HACD3: variants seen among roughly 807,000 people sequenced by gnomAD.
HACD3 encodes 3-hydroxyacyl-CoA dehydratase 3.
In HACD3, 30 loss-of-function variants were observed where a neutral mutation model predicts 55.2. The ratio of observed to expected loss-of-function variants is 0.54; its 90% CI spans 0.41 to 0.74. The LOEUF is 0.74. Among genes scored for constraint, HACD3 ranks in the 30% least tolerant of loss-of-function variants. The pLI, the probability that HACD3 is intolerant of heterozygous loss-of-function variation, is 0.00. For missense variants in HACD3, 363 were observed against 440.1 expected (o/e 0.82, Z 1.57); for synonymous variants, 141 against 151.7 (o/e 0.93, Z 0.52).
chr15:65,563,427 A>T (rs534044353), intron 6 of HACD3, among the ~76,000 whole-genome samples: 1 of 152,354 alleles, frequency 6.6e-6, no homozygotes, highest in South Asian at 2.1e-4. Context: ...GATCTAAAGT[A>T]TTCTGAAACT....
intron 1 of HACD3, among the ~76,000 whole-genome samples, chr15:65,542,139 G>T (rs1449057756): frequency 2.9e-5 from 4 of 139,738 alleles, no homozygotes; most frequent in Non-Finnish European, 6.0e-5. Flanking sequence ...TGAGGCAGGA[G>T]AATCGCTTGA....
At chr15:65,539,247 T>G (rs1375158927) in intron 1 of HACD3, among the ~76,000 whole-genome samples, 2 of 113,496 alleles carry the variant, frequency 1.8e-5, no homozygotes, top group Admixed American at 1.3e-4. Flanking sequence ...TGAGATGGAG[T>G]CTCACCGTGT....
intron 10 of HACD3, among the ~76,000 whole-genome samples, chr15:65,573,607 CA>C (rs11375279): frequency 3.5e-5 from 5 of 144,348 alleles, no homozygotes; most frequent in Non-Finnish European, 4.6e-5. Context: ...GACTCTGTCT[CA>C]AAAAAAAAAA....
chr15:65,576,384 A>G lies in HACD3; in HGVS notation c.*5A>G. Reference sequence around the variant, plus strand: ...AAAAAGAAAAAGATCCACTAAAAAGAAAGATTTAGATGGCTTCTTGCCAGT... The same window carrying G: ...AAAAAGAAAAAGATCCACTAAAAAGGAAGATTTAGATGGCTTCTTGCCAGT... On this transcript the variant is annotated 3_prime_UTR_variant, in exon 11 of 11. Coordinates refer to ENST00000261875, the MANE Select transcript of HACD3 (RefSeq NM_016395.4). 6.3e-7 allele frequency: 1 copy of G among 1,595,166 alleles called. No homozygotes were observed. The highest frequency in any genetic ancestry group is 8.5e-7 in the Non-Finnish European group (1 of 1,170,420).
intron 2 of HACD3, 68 bp downstream of exon 2, chr15:65,551,786 T>C: frequency 1.3e-6 from 2 of 1,561,018 alleles, no homozygotes; most frequent in Admixed American, 3.4e-5. Context: ...GTTTCCCTTT[T>C]TTAAAAAAAT....
In HACD3 at chr15:65,578,080, CATCTG is replaced by C. The variant is rs996869409; in HGVS notation, c.*1704_*1708del. The C allele has an allele frequency of 6.6e-6, 1 of 152,220 alleles. No homozygotes were observed. The highest frequency in any genetic ancestry group is 2.4e-5 in the African/African-American group (1 of 41,442). The allele number at this position is 152,220 out of a possible 1,614,324, so 9.4% of individuals were successfully genotyped here. On this transcript the variant is annotated 3_prime_UTR_variant, in exon 11 of 11. Transcript: ENST00000261875. The stretch of plus-strand genomic sequence containing the variant: ...GATGGAAACTTGGTTTGACCTAAAA[CATCTG>C]ATTAATATAGGCTAGCTGATTTCTT...
chr15:65,531,252 T>G (rs2071895925), intron 1 of HACD3: 1 of 152,620 alleles, frequency 6.6e-6, no homozygotes, highest in South Asian at 2.0e-4. Context: ...TCGCAACCGT[T>G]CAGTGATGGA....
Position 65,578,344 on chromosome 15 carries a change from T to C in HACD3, c.*1965T>C, listed in dbSNP as rs1408647523. ...TGTATTTCTATTAAAACATTTACAATCAAAATTCTAATGACTGTGCTTAAA... is the reference window on the plus strand; with the variant it reads ...TGTATTTCTATTAAAACATTTACAACCAAAATTCTAATGACTGTGCTTAAA... On this transcript the variant is annotated 3_prime_UTR_variant, in exon 11 of 11. Coordinates refer to ENST00000261875, the MANE Select transcript of HACD3 (RefSeq NM_016395.4). The C allele has an allele frequency of 6.6e-6, 1 of 152,206 alleles. No homozygotes were observed. Among genetic ancestry groups the C allele is most frequent in the African/African-American group, 2.4e-5 (1 of 41,448 alleles). 9.4% of individuals were successfully genotyped at this position (152,206 alleles called of 1,614,324 possible).
intron 1 of HACD3, among the ~76,000 whole-genome samples, chr15:65,550,473 A>T (rs1021981180): frequency 6.6e-6 from 1 of 152,258 alleles, no homozygotes. Context: ...GAAAACCTGG[A>T]TAGCCCAATA....
intron 1 of HACD3, among the ~76,000 whole-genome samples, chr15:65,549,426 G>GAAAAA (rs34149100): frequency 9.0e-6 from 1 of 111,068 alleles, no homozygotes; most frequent in African/African-American, 3.3e-5. Flanking sequence ...TCTCTGCTGG[G>GAAAAA]AAAAAAAAAA....
intron 7 of HACD3, among the ~76,000 whole-genome samples, chr15:65,567,372 C>T (rs564871602): frequency 6.6e-6 from 1 of 152,060 alleles, no homozygotes; most frequent in Non-Finnish European, 1.5e-5. Flanking sequence ...GTAGATTAGA[C>T]ATAGCTGAAG....
At position 65,564,494 on chromosome 15, in the gene HACD3, C is replaced by T. The variant is rs539430916; in HGVS notation, c.660+152C>T. 4 of 989,384 alleles carry T rather than the reference C, an allele frequency of 4.0e-6. No individual in the cohort carries two copies. The South Asian group carries it at 5.7e-5, about 14-fold the overall frequency. The allele number at this position is 989,384 out of a possible 1,614,324, so 61.3% of individuals were successfully genotyped here. On this transcript the variant is annotated intron_variant, in intron 7 of 10. Transcript: ENST00000261875. Reference sequence around the variant, plus strand: ...AAGAGGTTTAATTGGACTTACAGTTCCATGTGGCTGGGAAGGTCTCACGAT... The same window carrying T: ...AAGAGGTTTAATTGGACTTACAGTTTCATGTGGCTGGGAAGGTCTCACGAT...
chr15:65,535,216 A>T (rs1043387375), intron 1 of HACD3, among the ~76,000 whole-genome samples: 1 of 152,254 alleles, frequency 6.6e-6, no homozygotes, highest in Non-Finnish European at 1.5e-5. Context: ...GTTAAGCAAG[A>T]TGCACAAAAC....
At chr15:65,541,273 A>C (rs1484740282) in intron 1 of HACD3, among the ~76,000 whole-genome samples, 1 of 152,142 alleles carries the variant, frequency 6.6e-6, no homozygotes, top group Non-Finnish European at 1.5e-5. Flanking sequence ...TTTTTCCCTC[A>C]TGATGAGGGG....
chr15:65,568,874 T>C (rs1006629433), intron 7 of HACD3, among the ~76,000 whole-genome samples: 2 of 152,116 alleles, frequency 1.3e-5, no homozygotes, highest in African/African-American at 4.8e-5. Context: ...CCCAGATATC[T>C]ATGAAGAATA....
chr15:65,565,806 G>T (rs776696310), intron 7 of HACD3: 3 of 152,044 alleles, frequency 2.0e-5, no homozygotes, highest in Non-Finnish European at 4.4e-5. Context: ...CCAGCTTGAG[G>T]TTCTCCTCAA....
At chr15:65,544,571 G>A (rs2072055027) in intron 1 of HACD3, among the ~76,000 whole-genome samples, 1 of 151,940 alleles carries the variant, frequency 6.6e-6, no homozygotes, top group Non-Finnish European at 1.5e-5. Flanking sequence ...TATTTTTGTG[G>A]GTACACAGTA....
chr15:65,578,235 T>G lies in HACD3; in HGVS notation c.*1856T>G, dbSNP rs372979192. On this transcript the variant is annotated 3_prime_UTR_variant, in exon 11 of 11. Coordinates refer to ENST00000261875, the MANE Select transcript of HACD3 (RefSeq NM_016395.4). ...TGGGCAGATCAGCTTTGCAGTAGAT[T>G]ATGCTGCATCCTCGTGGCAAAATTC... 1 of 152,262 alleles carries G rather than the reference T, an allele frequency of 6.6e-6. No individual in the cohort carries two copies. Among genetic ancestry groups the G allele is most frequent in the African/African-American group, 2.4e-5 (1 of 41,472 alleles). 9.4% of individuals were successfully genotyped at this position (152,262 alleles called of 1,614,324 possible).
chr15:65,555,780 A>G (rs2072183139), intron 3 of HACD3, among the ~76,000 whole-genome samples: 1 of 152,164 alleles, frequency 6.6e-6, no homozygotes, highest in Admixed American at 6.5e-5. Context: ...CTGATCCAAT[A>G]CAGTTCTGAT....
Sources: allele counts gnomAD v4.1 joint callset (sites outside exome capture counted in the v4.1 genomes callset), GRCh38; gene constraint gnomAD v4.1.1; transcripts MANE v1.5; gene names NCBI Gene and HGNC (gene_info 2026-07-23, HGNC 2026-07-21).